Variants in AKR1D1 observed in about 807,000 individuals in gnomAD.
AKR1D1 encodes the protein aldo-keto reductase family 1 member D1, also known as delta(4)-3-ketosteroid 5-beta-reductase.
AKR1D1 carries 32 observed loss-of-function variants against 42.6 expected under a neutral mutation model. The ratio of observed to expected loss-of-function variants is 0.75; its 90% CI spans 0.57 to 1.01. The LOEUF (loss-of-function observed/expected upper bound fraction) is 1.01, where lower values mean the gene tolerates loss of function less well. Among genes scored for constraint, AKR1D1 ranks in the 50% least tolerant of loss-of-function variants. AKR1D1 has a pLI of 0.00. For missense variants in AKR1D1, 364 were observed against 402.2 expected (o/e 0.91, Z 0.81); for synonymous variants, 123 against 135.5 (o/e 0.91, Z 0.64).
At chr7:138,077,583 G>A (rs1802968059) in intron 1 of AKR1D1, among the ~76,000 whole-genome samples, 1 of 152,132 alleles carries the variant, frequency 6.6e-6, no homozygotes, top group South Asian at 2.1e-4. Flanking sequence ...GATTGAAATG[G>A]GCTTCCTTTA....
chr7:138,108,538 T>C (rs1025660920), intron 7 of AKR1D1, among the ~76,000 whole-genome samples: 1 of 152,214 alleles, frequency 6.6e-6, no homozygotes, highest in Non-Finnish European at 1.5e-5. Context: ...AATTATTTCA[T>C]GTCCATCAAA....
chr7:138,104,456 G>T (rs1794376253), intron 4 of AKR1D1, among the ~76,000 whole-genome samples: 1 of 152,034 alleles, frequency 6.6e-6, no homozygotes, highest in Admixed American at 6.6e-5. Context: ...CCAGCACTTT[G>T]GGACACTGAG....
intron 1 of AKR1D1, among the ~76,000 whole-genome samples, chr7:138,084,285 C>A (rs933089722): frequency 8.8e-5 from 10 of 113,918 alleles, no homozygotes; most frequent in African/African-American, 3.1e-4. Flanking sequence ...TTTTTTGAGA[C>A]AGGGTCTTGC....
chr7:138,097,499 T>C (rs1440572430), intron 3 of AKR1D1, among the ~76,000 whole-genome samples: 1 of 152,202 alleles, frequency 6.6e-6, no homozygotes, highest in Non-Finnish European at 1.5e-5. Flanking sequence ...GAAACAAATA[T>C]TGATACTTGT....
At chr7:138,111,209 C>T (rs1794530005) in intron 7 of AKR1D1, among the ~76,000 whole-genome samples, 1 of 152,188 alleles carries the variant, frequency 6.6e-6, no homozygotes, top group Admixed American at 6.5e-5. Context: ...GTAACTCCCA[C>T]CAACATTCAC....
chr7:138,101,183 C>CCCTTCCTCCCTT (rs1794306854), intron 4 of AKR1D1, among the ~76,000 whole-genome samples: 1 of 21,970 alleles, frequency 4.6e-5, no homozygotes, highest in South Asian at 1.3e-3. Context: ...CTCCCTCCCT[C>CCCTTCCTCCCTT]CCTCCCTCCC....
intron 8 of AKR1D1, among the ~76,000 whole-genome samples, chr7:138,115,760 C>T (rs761209315): frequency 6.6e-6 from 1 of 152,136 alleles, no homozygotes; most frequent in Non-Finnish European, 1.5e-5. Flanking sequence ...AAAACTAAAT[C>T]AGGAACACAC....
chr7:138,098,850 C>T (rs1484287054), intron 4 of AKR1D1, among the ~76,000 whole-genome samples: 3 of 151,988 alleles, frequency 2.0e-5, no homozygotes, highest in Non-Finnish European at 4.4e-5. Context: ...AGGAGAGGAT[C>T]GGTTGGTCCT....
intron 1 of AKR1D1, among the ~76,000 whole-genome samples, chr7:138,079,051 C>T (rs1288563555): frequency 6.6e-6 from 1 of 152,076 alleles, no homozygotes; most frequent in Non-Finnish European, 1.5e-5. Flanking sequence ...AGGCTGGTCT[C>T]AAACTCCTGG....
chr7:138,115,103 C>T (rs890716165), intron 8 of AKR1D1, among the ~76,000 whole-genome samples: 12 of 152,106 alleles, frequency 7.9e-5, no homozygotes, highest in African/African-American at 2.9e-4. Flanking sequence ...TAATTAATAG[C>T]TCTTGAAGAT....
intron 8 of AKR1D1, 100 bp downstream of exon 8, chr7:138,113,872 C>A: frequency 1.9e-6 from 2 of 1,070,350 alleles, no homozygotes; most frequent in Non-Finnish European, 2.9e-6. Flanking sequence ...GTCCATAGCA[C>A]CAGGGCAAAG....
Position 138,118,050 on chromosome 7 carries a change from T to C in AKR1D1, c.*1388T>C. ...AAAAAAAAAAGAAAAGAAATATATT[T>C]TATTCATTCACATTAGGTCACTGTC... On this transcript the variant is annotated 3_prime_UTR_variant, in exon 9 of 9. Coordinates refer to ENST00000242375, the MANE Select transcript of AKR1D1 (RefSeq NM_005989.4). The C allele has an allele frequency of 6.6e-6, 1 of 152,250 alleles. No homozygotes were observed. The highest frequency in any genetic ancestry group is 1.5e-5 in the Non-Finnish European group (1 of 68,016). The allele number at this position is 152,250 out of a possible 1,614,324, so 9.4% of individuals were successfully genotyped here.
intron 7 of AKR1D1, 127 bp from the exon 8 acceptor site, chr7:138,113,563 A>C: frequency 1.2e-6 from 1 of 801,624 alleles, no homozygotes. Context: ...GCCCCCCAAC[A>C]CCAGCCTGAC....
intron 1 of AKR1D1, among the ~76,000 whole-genome samples, chr7:138,077,106 A>G (rs1476300277): frequency 6.6e-6 from 1 of 152,218 alleles, no homozygotes; most frequent in African/African-American, 2.4e-5. Context: ...TAGAATGACC[A>G]AGATAAGGAT....
chr7:138,088,146 C>G (rs1287355565), intron 1 of AKR1D1, among the ~76,000 whole-genome samples: 1 of 152,222 alleles, frequency 6.6e-6, no homozygotes, highest in Non-Finnish European at 1.5e-5. Context: ...CTGCCTCAGC[C>G]TCCCAAAGTC....
At chr7:138,106,825 G>A in intron 6 of AKR1D1, 108 bp downstream of exon 6, 1 of 803,204 alleles carries the variant, frequency 1.2e-6, no homozygotes, top group Non-Finnish European at 2.2e-6. Context: ...ACCTCTTCAA[G>A]TCATTATCTG....
intron 1 of AKR1D1, among the ~76,000 whole-genome samples, chr7:138,078,199 C>T (rs931991801): frequency 4.6e-5 from 7 of 152,032 alleles, no homozygotes; most frequent in Non-Finnish European, 1.0e-4. Context: ...TGGGTTCAAG[C>T]GATCCGCCCG....
At chr7:138,088,562 T>A in intron 1 of AKR1D1, 39 bp from the exon 2 acceptor site, 1 of 1,607,682 alleles carries the variant, frequency 6.2e-7, no homozygotes, top group African/African-American at 1.3e-5. Flanking sequence ...GGAAAGACCA[T>A]TTCTCTTTTC....
Position 138,078,951 on chromosome 7 carries a change from C to T in AKR1D1, c.93+2340C>T, listed in dbSNP as rs1802997357. On this transcript the variant is annotated intron_variant, in intron 1 of 8. Transcript: ENST00000242375. ...GGAGGTGGGGGTGCAGGGCTCAGAACCCATTTCTCAGGAATGTGCCATCCT... is the reference window on the plus strand; with the variant it reads ...GGAGGTGGGGGTGCAGGGCTCAGAATCCATTTCTCAGGAATGTGCCATCCT... 2.0e-5 allele frequency among the ~76,000 whole-genome samples: 3 copies of T among 152,108 alleles called. No individual in the cohort carries two copies. The South Asian group carries it at 6.2e-4, about 32-fold the overall frequency.
Sources: allele counts gnomAD v4.1 joint callset (sites outside exome capture counted in the v4.1 genomes callset), GRCh38; gene constraint gnomAD v4.1.1; transcripts MANE v1.5; gene names NCBI Gene and HGNC (gene_info 2026-07-23, HGNC 2026-07-21).